CTNND2: variants seen among roughly 807,000 people sequenced by gnomAD.
CTNND2 encodes catenin delta 2, also known as catenin delta-2.
A neutral mutation model predicts 144.4 loss-of-function variants in CTNND2; 22 were observed. The ratio of observed to expected loss-of-function variants is 0.15; its 90% CI spans 0.11 to 0.22. CTNND2 has a LOEUF of 0.22. Among genes scored for constraint, CTNND2 ranks in the 10% least tolerant of loss-of-function variants. The probability of loss-of-function intolerance (pLI) is 1.00; values close to 1 mark genes in which losing one functional copy is unlikely to be tolerated. For synonymous variants in CTNND2, 751 were observed against 695.6 expected, an observed-to-expected ratio of 1.08 and a Z score of -1.25; for missense variants, 1,353 against 1,618.8, an observed-to-expected ratio of 0.84 and a Z score of 2.82.
intron 16 of CTNND2, among the ~76,000 whole-genome samples, chr5:11,031,052 T>A (rs1743422053): frequency 6.6e-6 from 1 of 152,164 alleles, no homozygotes; most frequent in Non-Finnish European, 1.5e-5. Context: ...CTCTTATTTC[T>A]CTTGTATATG....
At chr5:11,072,764 C>T (rs566274604) in intron 16 of CTNND2, among the ~76,000 whole-genome samples, 5 of 152,322 alleles carry the variant, frequency 3.3e-5, no homozygotes, top group South Asian at 2.1e-4. Context: ...ATCCCATATC[C>T]GGCCTCAGGC....
At chr5:11,357,922 GAA>G (rs2065263650) in intron 8 of CTNND2, among the ~76,000 whole-genome samples, 1 of 152,072 alleles carries the variant, frequency 6.6e-6, no homozygotes, top group Non-Finnish European at 1.5e-5. Flanking sequence ...GTTGAGGGCA[GAA>G]TCTGCTAATG....
chr5:11,676,424 G>A (rs1359535537), intron 2 of CTNND2, among the ~76,000 whole-genome samples: 1 of 151,934 alleles, frequency 6.6e-6, no homozygotes, highest in African/African-American at 2.4e-5. Flanking sequence ...ATGGGGGCAG[G>A]GGTTAAGGAG....
intron 1 of CTNND2, among the ~76,000 whole-genome samples, chr5:11,734,984 T>C (rs1255868917): frequency 5.3e-5 from 8 of 152,158 alleles, no homozygotes. Flanking sequence ...GAAGGAATAA[T>C]AATATCACCA....
At chr5:11,292,576 A>C (rs564255104) in intron 9 of CTNND2, among the ~76,000 whole-genome samples, 34 of 152,136 alleles carry the variant, frequency 2.2e-4, no homozygotes, top group Non-Finnish European at 1.9e-4. Context: ...AGTGTTTGAC[A>C]GTTCCTCCTT....
At chr5:11,649,822 T>C (rs1249827428) in intron 2 of CTNND2, among the ~76,000 whole-genome samples, 1 of 152,212 alleles carries the variant, frequency 6.6e-6, no homozygotes, top group Admixed American at 6.5e-5. Flanking sequence ...ACTATCAGAA[T>C]GCTTTACAAC....
At chr5:11,823,335 G>T (rs914766112) in intron 1 of CTNND2, among the ~76,000 whole-genome samples, 1 of 152,122 alleles carries the variant, frequency 6.6e-6, no homozygotes, top group African/African-American at 2.4e-5. Flanking sequence ...CTGGGTGTGC[G>T]TTGGGAGGAT....
intron 3 of CTNND2, among the ~76,000 whole-genome samples, chr5:11,543,005 C>T (rs1012759259): frequency 6.6e-6 from 1 of 152,220 alleles, no homozygotes; most frequent in Non-Finnish European, 1.5e-5. Context: ...ATTGGATAAA[C>T]ATGTGTGCAC....
chr5:11,389,653 C>T (rs1759449039), intron 6 of CTNND2, among the ~76,000 whole-genome samples: 1 of 152,098 alleles, frequency 6.6e-6, no homozygotes, highest in Non-Finnish European at 1.5e-5. Context: ...TTCCAACAGC[C>T]ATTAATGAAC....
intron 2 of CTNND2, among the ~76,000 whole-genome samples, chr5:11,621,316 A>G (rs1397645728): frequency 6.6e-6 from 1 of 152,198 alleles, no homozygotes; most frequent in African/African-American, 2.4e-5. Flanking sequence ...CATGTTGATT[A>G]CATTAATCAT....
intron 1 of CTNND2, among the ~76,000 whole-genome samples, chr5:11,820,815 C>T (rs1793269521): frequency 6.6e-6 from 1 of 152,154 alleles, no homozygotes; most frequent in Non-Finnish European, 1.5e-5. Flanking sequence ...TTAAAAGGTG[C>T]TTGTGTCTGC....
intron 2 of CTNND2, among the ~76,000 whole-genome samples, chr5:11,727,781 C>CT (rs1787105671): frequency 1.3e-5 from 2 of 152,218 alleles, no homozygotes; most frequent in South Asian, 4.1e-4. Context: ...TCATAAAATG[C>CT]TTTCCCAAAA....
At chr5:11,892,428 CCATT>C (rs1737045128) in intron 1 of CTNND2, among the ~76,000 whole-genome samples, 1 of 152,118 alleles carries the variant, frequency 6.6e-6, no homozygotes, top group African/African-American at 2.4e-5. Context: ...AATATGAAAA[CCATT>C]CAGCAGACAA....
intron 9 of CTNND2, among the ~76,000 whole-genome samples, chr5:11,332,812 G>A (rs1753307443): frequency 6.6e-6 from 1 of 152,158 alleles, no homozygotes; most frequent in Non-Finnish European, 1.5e-5. Context: ...TGGGAGGGAC[G>A]TGGTGGGAGA....
At chr5:11,757,550 G>A (rs1202856844) in intron 1 of CTNND2, among the ~76,000 whole-genome samples, 3 of 151,868 alleles carry the variant, frequency 2.0e-5, no homozygotes, top group African/African-American at 4.8e-5. Context: ...TGTTCCCAAC[G>A]CATTTCCAAT....
chr5:11,405,739 TG>T (rs1166924627), intron 5 of CTNND2, among the ~76,000 whole-genome samples: 1 of 152,126 alleles, frequency 6.6e-6, no homozygotes, highest in Non-Finnish European at 1.5e-5. Flanking sequence ...TTTTTGCTAC[TG>T]CTAACCTCCC....
chr5:11,298,736 G>C (rs1749267551), intron 9 of CTNND2, among the ~76,000 whole-genome samples: 1 of 152,202 alleles, frequency 6.6e-6, no homozygotes, highest in Non-Finnish European at 1.5e-5. Context: ...GTATAGAAAT[G>C]TGGCGTGTAG....
Position 11,849,044 on chromosome 5 carries a change from G to A in CTNND2, c.37+54773C>T, listed in dbSNP as rs552790693. 2.0e-5 allele frequency among the ~76,000 whole-genome samples: 3 copies of A among 152,104 alleles called. No homozygotes were observed. In the South Asian group the frequency reaches 6.2e-4, roughly 32 times the overall value. ...GACAGTGTATTGGTCCATTTTCAGG[G>A]TACTAATAAAGACATACCCGAGACT... is the stretch of plus-strand genomic sequence containing the variant. On this transcript the variant is annotated intron_variant, in intron 1 of 21. Transcript: ENST00000304623.
intron 3 of CTNND2, among the ~76,000 whole-genome samples, chr5:11,448,775 C>A (rs1334453838): frequency 6.6e-6 from 1 of 152,036 alleles, no homozygotes; most frequent in African/African-American, 2.4e-5. Flanking sequence ...ATCAAGTGAT[C>A]CTTCCACCTC....
Sources: gnomAD v4.1 joint callset for allele counts (sites outside exome capture counted in the v4.1 genomes callset) on GRCh38, gnomAD v4.1.1 for gene constraint, MANE v1.5 for transcripts, NCBI Gene and HGNC (gene_info 2026-07-23, HGNC 2026-07-21) for gene names.